The following PARP12 variants were observed in gnomAD, a reference collection of about 807,000 sequenced individuals.
PARP12 encodes poly(ADP-ribose) polymerase family member 12.
Under a neutral mutation model 72.4 loss-of-function variants are expected in PARP12, and 59 were observed. That is an observed-to-expected ratio of 0.81 (90% confidence interval 0.66 to 1.01). PARP12 has a LOEUF of 1.01. PARP12 is among the 50% of genes least tolerant of loss of function. The pLI, the probability that PARP12 is intolerant of heterozygous loss-of-function variation, is 0.00. For synonymous variants in PARP12, 403 were observed against 371.4 expected (o/e 1.09, Z -0.98); for missense variants, 851 against 914.0 (o/e 0.93, Z 0.89).
chr7:140,041,063 C>T (rs531589584), intron 6 of PARP12, among the ~76,000 whole-genome samples: 45 of 152,310 alleles, frequency 3.0e-4, no homozygotes, highest in African/African-American at 3.4e-4. Context: ...CCACCACGCC[C>T]GGCCTAAACT....
chr7:140,046,721 A>AGTGTGTGTGTGTGTGTGT lies in PARP12; in HGVS notation c.986+145_986+162dup, dbSNP rs9340757. Reference sequence around the variant, plus strand: ...TCTACCTCCAGACTAGGTGGCTCACAGTGTGTGTGTGTGTGTGTGTGTGTG... The same window carrying AGTGTGTGTGTGTGTGTGT: ...TCTACCTCCAGACTAGGTGGCTCACAGTGTGTGTGTGTGTGTGTGTGTGTGTGTGTGTGTGTGTGTGTG... On this transcript the variant is annotated intron_variant, in intron 5 of 11. Coordinates refer to ENST00000263549, the MANE Select transcript of PARP12 (RefSeq NM_022750.4). 4.6e-3 allele frequency among the ~76,000 whole-genome samples: 622 copies of AGTGTGTGTGTGTGTGTGT among 135,478 alleles called. 6 individuals carry two copies. Among genetic ancestry groups the AGTGTGTGTGTGTGTGTGT allele is most frequent in the Admixed American group, 7.5e-3 (104 of 13,794 alleles). The allele number at this position is 135,478 out of a possible 152,430, so 88.9% of individuals were successfully genotyped here. A position where few individuals can be genotyped will look rare whatever the true frequency, so the allele number is the denominator to read the frequency against.
intron 4 of PARP12, among the ~76,000 whole-genome samples, chr7:140,050,147 A>G (rs1325226826): frequency 1.3e-5 from 2 of 152,194 alleles, no homozygotes; most frequent in Non-Finnish European, 2.9e-5. Flanking sequence ...AGATATAAAA[A>G]GAAGAGAGAA....
intron 6 of PARP12, among the ~76,000 whole-genome samples, chr7:140,038,966 C>T (rs897203003): frequency 3.9e-5 from 6 of 152,166 alleles, no homozygotes; most frequent in African/African-American, 9.7e-5. Flanking sequence ...CTAAGAATGA[C>T]CAAGGAAGGG....
At chr7:140,031,847 T>A (rs968692316) in intron 8 of PARP12, among the ~76,000 whole-genome samples, 6 of 152,178 alleles carry the variant, frequency 3.9e-5, no homozygotes, top group African/African-American at 1.4e-4. Flanking sequence ...AGGGTCATAA[T>A]CAACCAAAAC....
chr7:140,027,349 G>A lies in PARP12; in HGVS notation c.1555C>T (p.Arg519Cys), dbSNP rs566167926. Residue 519 changes from arginine (R) to cysteine (C), a missense_variant, in exon 10 of 12, where the codon CGC (arginine) becomes TGC (cysteine). Arg to Cys is a radical substitution (Grantham distance 180). Coordinates refer to ENST00000263549, the MANE Select transcript of PARP12 (RefSeq NM_022750.4). ...TGAACAAAGTAGAAAGGCAGCGTGC[G>A]GTTAAAGAGGTTCCAGACCTTCTGA... is the stretch of plus-strand genomic sequence containing the variant. ...EYQKVWNLFN[R>C]TLPFYFVQKI... 3.0e-5 allele frequency: 49 copies of A among 1,614,080 alleles called. No homozygotes were observed. The highest frequency in any genetic ancestry group is 3.3e-4 in the Middle Eastern group (2 of 6,062).
In PARP12 at chr7:140,027,415, G is replaced by A. The variant is rs1385943239; in HGVS notation, c.1498-9C>T. The A allele has an allele frequency of 1.2e-6, 2 of 1,613,066 alleles. No individual in the cohort carries two copies. The highest frequency in any genetic ancestry group is 2.2e-5 in the East Asian group (1 of 44,828). Reference sequence around the variant, plus strand: ...GAACTAAGGGTGATCTTCTGCAAGGGGCAAATGTTTTTAATGCATTACCAT... The same window carrying A: ...GAACTAAGGGTGATCTTCTGCAAGGAGCAAATGTTTTTAATGCATTACCAT... On this transcript the variant is annotated splice_polypyrimidine_tract_variant and intron_variant, in intron 9 of 11. Transcript: ENST00000263549.
chr7:140,026,095 G>A lies in PARP12; in HGVS notation c.1780+102C>T. Reference sequence around the variant, plus strand: ...ACCACCACACATGGAGTCTGAACCTGCTCATCAGCTCAGGCTGGTCCCCTC... The same window carrying A: ...ACCACCACACATGGAGTCTGAACCTACTCATCAGCTCAGGCTGGTCCCCTC... On this transcript the variant is annotated intron_variant, in intron 11 of 11. Transcript: ENST00000263549. The A allele has an allele frequency of 2.6e-6, 4 of 1,543,496 alleles. No homozygotes were observed. The South Asian group carries it at 4.5e-5, about 17-fold the overall frequency.
intron 5 of PARP12, among the ~76,000 whole-genome samples, chr7:140,045,888 G>A (rs1816697627): frequency 6.6e-6 from 1 of 152,134 alleles, no homozygotes; most frequent in Non-Finnish European, 1.5e-5. Flanking sequence ...AGTGAAAGAG[G>A]CCAGACACAA....
At chr7:140,046,424 A>AT (rs1219323301) in intron 5 of PARP12, among the ~76,000 whole-genome samples, 6 of 152,378 alleles carry the variant, frequency 3.9e-5, no homozygotes, top group Non-Finnish European at 5.9e-5. Context: ...AAAAAAAGTT[A>AT]AAGGTTAAAC....
chr7:140,061,928 G>A (rs1189655015), intron 1 of PARP12, among the ~76,000 whole-genome samples: 1 of 145,996 alleles, frequency 6.8e-6, no homozygotes, highest in African/African-American at 2.5e-5. Flanking sequence ...AGAGCAAGAA[G>A]GGCATTCCAG....
At chr7:140,058,126 G>C in intron 1 of PARP12, 92 bp from the exon 2 acceptor site, 7 of 1,407,670 alleles carry the variant, frequency 5.0e-6, no homozygotes, top group Non-Finnish European at 7.0e-6. Flanking sequence ...TCAGGATATG[G>C]CTCTATTTGG....
At chr7:140,052,456 A>C (rs1817003423) in intron 4 of PARP12, among the ~76,000 whole-genome samples, 1 of 152,142 alleles carries the variant, frequency 6.6e-6, no homozygotes, top group Admixed American at 6.5e-5. Flanking sequence ...TGTCCTCATA[A>C]ACTTTTTTGT....
At chr7:140,046,147 A>C (rs1281000961) in intron 5 of PARP12, among the ~76,000 whole-genome samples, 1 of 152,232 alleles carries the variant, frequency 6.6e-6, no homozygotes, top group Non-Finnish European at 1.5e-5. Flanking sequence ...CCTCAAAAAG[A>C]AAGATTGGGG....
intron 10 of PARP12, 82 bp downstream of exon 10, chr7:140,027,194 G>A: frequency 2.6e-6 from 4 of 1,548,058 alleles, no homozygotes; most frequent in South Asian, 2.3e-5. Context: ...GCTTTTCCTG[G>A]AAACCCGGGC....
chr7:140,040,787 G>A (rs1451973654), intron 6 of PARP12, among the ~76,000 whole-genome samples: 2 of 152,152 alleles, frequency 1.3e-5, no homozygotes, highest in African/African-American at 2.4e-5. Context: ...TACTTGAGAT[G>A]GAATCTCGCT....
intron 3 of PARP12, among the ~76,000 whole-genome samples, chr7:140,056,545 T>G (rs59151114): frequency 0.029 from 4,364 of 152,150 alleles, 105 homozygotes; most frequent in African/African-American, 0.07. Context: ...AAGATAGGGG[T>G]GACTGCACAG....
intron 1 of PARP12, among the ~76,000 whole-genome samples, 162 bp from the exon 2 acceptor site, chr7:140,058,196 C>T (rs569155461): frequency 1.2e-4 from 18 of 152,238 alleles, no homozygotes; most frequent in African/African-American, 4.3e-4. Flanking sequence ...GGGCCCCAAA[C>T]CCACAAGACT....
At chr7:140,061,830 T>C (rs1817456174) in intron 1 of PARP12, among the ~76,000 whole-genome samples, 1 of 152,124 alleles carries the variant, frequency 6.6e-6, no homozygotes. Flanking sequence ...AACAGTTCCC[T>C]GTGACCAAGA....
Position 140,026,220 on chromosome 7 carries a change from A to C in PARP12, c.1757T>G (p.Val586Gly). 1 of 1,614,108 alleles carries C rather than the reference A, an allele frequency of 6.2e-7. No homozygotes were observed. The highest frequency in any genetic ancestry group is 8.5e-7 in the Non-Finnish European group (1 of 1,180,030). ...ACCCTTGCCGTAGGAAGTGCCATGA[A>C]CACCACAGACCCGCCAGTCAAAGTT... ...QQNFDWRVCGVHGTSYGKGSY... is the reference protein window; with the variant it reads ...QQNFDWRVCGGHGTSYGKGSY... Residue 586 changes from valine to glycine, a missense_variant, in exon 11 of 12, where the codon GTT becomes GGT. Transcript: ENST00000263549.
Sources: gnomAD v4.1 joint callset for allele counts (sites outside exome capture counted in the v4.1 genomes callset) on GRCh38, gnomAD v4.1.1 for gene constraint, MANE v1.5 for transcripts, NCBI Gene and HGNC (gene_info 2026-07-23, HGNC 2026-07-21) for gene names.